The following FOXP1 variants were observed in gnomAD, a reference collection of about 807,000 sequenced individuals.
The protein encoded by FOXP1 is forkhead box P1, also known as forkhead box protein P1.
A neutral mutation model predicts 98.2 loss-of-function variants in FOXP1; 15 were observed. That is an observed-to-expected ratio of 0.15 (90% CI 0.10 to 0.24). The LOEUF (loss-of-function observed/expected upper bound fraction) is 0.24. Ranked by LOEUF, FOXP1 falls within the 10% of genes least tolerant of loss-of-function variation. The pLI is 1.00. For synonymous variants in FOXP1, 371 were observed against 314.5 expected (o/e 1.18, Z -1.90); for missense variants, 633 against 848.5 (o/e 0.75, Z 3.15).
chr3:71,312,051 A>G (rs1251128509), intron 4 of FOXP1, among the ~76,000 whole-genome samples: 1 of 152,204 alleles, frequency 6.6e-6, no homozygotes, highest in Non-Finnish European at 1.5e-5. Flanking sequence ...CCTTCACTAG[A>G]AAGAAGCCCA....
chr3:71,198,071 GAC>G, intron 6 of FOXP1, 129 bp downstream of exon 6: 1 of 1,614,092 alleles, frequency 6.2e-7, no homozygotes, highest in Non-Finnish European at 8.5e-7. Flanking sequence ...AGATGCCACT[GAC>G]AGACAGAAAG....
intron 14 of FOXP1, among the ~76,000 whole-genome samples, chr3:70,985,145 C>T (rs1230030035): frequency 6.6e-6 from 1 of 152,196 alleles, no homozygotes. Flanking sequence ...AACTTACTGG[C>T]AAGGTTGTAA....
At chr3:71,283,276 C>T (rs2071756175) in intron 5 of FOXP1, among the ~76,000 whole-genome samples, 2 of 152,198 alleles carry the variant, frequency 1.3e-5, no homozygotes, top group Admixed American at 1.3e-4. Flanking sequence ...CCAGTGCCCC[C>T]AGTGTACTCC....
In FOXP1 at chr3:71,182,107, A is replaced by AT. The variant is rs1416671017; in HGVS notation, c.180+16094dup. 2.0e-5 allele frequency among the ~76,000 whole-genome samples: 3 copies of AT among 152,182 alleles called. No individual in the cohort carries two copies. In the East Asian group the frequency reaches 5.8e-4, roughly 29 times the overall value. On this transcript the variant is annotated intron_variant, in intron 6 of 20. Transcript: ENST00000649528. ...TTTTTTAAAAATCCATACTCTTTTT[A>AT]TTGACAGGAAAGTGATTTTTGTCAC... is the stretch of plus-strand genomic sequence containing the variant.
chr3:71,107,874 T>C (rs991669858), intron 7 of FOXP1, among the ~76,000 whole-genome samples: 2 of 152,148 alleles, frequency 1.3e-5, no homozygotes, highest in Non-Finnish European at 2.9e-5. Flanking sequence ...ATAAAAATGC[T>C]AAAAAAACAC....
intron 7 of FOXP1, among the ~76,000 whole-genome samples, chr3:71,102,324 C>T (rs556697596): frequency 9.2e-5 from 14 of 152,260 alleles, no homozygotes; most frequent in South Asian, 8.3e-4. Context: ...ACAAGGAAAA[C>T]AAACTTAATA....
intron 14 of FOXP1, among the ~76,000 whole-genome samples, chr3:70,981,084 A>C (rs924367995): frequency 1.3e-5 from 2 of 151,590 alleles, no homozygotes; most frequent in East Asian, 3.9e-4. Flanking sequence ...TTGGGTGTTC[A>C]CAGCTACGAA....
chr3:71,386,612 G>A (rs1315713790), intron 3 of FOXP1, among the ~76,000 whole-genome samples: 6 of 151,884 alleles, frequency 4.0e-5, no homozygotes, highest in South Asian at 2.1e-4. Flanking sequence ...GCGTGGTAGC[G>A]CATGCCTGTA....
At chr3:71,538,820 G>C (rs1417396488) in intron 2 of FOXP1, among the ~76,000 whole-genome samples, 7 of 152,118 alleles carry the variant, frequency 4.6e-5, no homozygotes, top group African/African-American at 1.4e-4. Flanking sequence ...CTATATTTAG[G>C]TCTTAATACT....
intron 5 of FOXP1, among the ~76,000 whole-genome samples, chr3:71,268,186 G>A (rs1272520060): frequency 6.7e-6 from 1 of 149,816 alleles, no homozygotes; most frequent in Non-Finnish European, 1.5e-5. Flanking sequence ...CGCCTCCCGG[G>A]TTCACGCCAT....
At chr3:71,278,215 G>A (rs1222662023) in intron 5 of FOXP1, among the ~76,000 whole-genome samples, 2 of 152,112 alleles carry the variant, frequency 1.3e-5, no homozygotes, top group South Asian at 2.1e-4. Context: ...CACAGCAAAC[G>A]TTCAATAATT....
chr3:71,419,447 A>G (rs2083465289), intron 3 of FOXP1, among the ~76,000 whole-genome samples: 1 of 152,154 alleles, frequency 6.6e-6, no homozygotes, highest in African/African-American at 2.4e-5. Context: ...CAAAGAAAAA[A>G]AAAAAGTAGA....
rs888746870 is a variant in FOXP1 at position 70,959,500 on chromosome 3, C to T, written c.1890-109G>A. On this transcript the variant is annotated intron_variant, in intron 20 of 20. Coordinates refer to ENST00000649528, the MANE Select transcript of FOXP1 (RefSeq NM_001349338.3). ...AAAGCCGCACTCTAGAACTAGAACT[C>T]TGTCCAGTATTGTTACCATTAGCCA... 3.3e-6 allele frequency: 4 copies of T among 1,207,348 alleles called. No individual in the cohort carries two copies. The African/African-American group carries it at 6.0e-5, about 18-fold the overall frequency. 74.8% of individuals were successfully genotyped at this position (1,207,348 alleles called of 1,614,324 possible).
chr3:71,221,084 T>C (rs4677599), intron 5 of FOXP1, among the ~76,000 whole-genome samples: 1 of 152,114 alleles, frequency 6.6e-6, no homozygotes, highest in Admixed American at 6.5e-5. Context: ...TGGGGCCTGT[T>C]AGGAACCGGT....
intron 2 of FOXP1, among the ~76,000 whole-genome samples, chr3:71,506,923 A>G (rs1337278869): frequency 5.9e-5 from 9 of 152,180 alleles, no homozygotes; most frequent in Non-Finnish European, 8.8e-5. Context: ...CCCTACCTCC[A>G]AGCATTGCTG....
At chr3:71,520,136 T>C (rs1164475192) in intron 2 of FOXP1, among the ~76,000 whole-genome samples, 4 of 152,224 alleles carry the variant, frequency 2.6e-5, no homozygotes, top group South Asian at 2.1e-4. Flanking sequence ...CCCAATTATC[T>C]TGGGACATTT....
chr3:70,977,942 C>T lies in FOXP1; in HGVS notation c.1234G>A (p.Ala412Thr), dbSNP rs200629338. 36 of 1,613,900 alleles carry T rather than the reference C, an allele frequency of 2.2e-5. No homozygotes were observed. The highest frequency in any genetic ancestry group is 8.0e-5 in the African/African-American group (6 of 74,950). Residue 412 changes from alanine to threonine, a missense_variant, in exon 15 of 21, where the codon GCC becomes ACC. Ala to Thr is a moderately conservative substitution (Grantham distance 58). Transcript: ENST00000649528. ...CCTTGGGTGACGGGAGTCAGGGGGG[C>T]GGTTGGGGTCGTTGGAGTATGAGGT... ...SLPHTPTTPTAPLTPVTQGPS... is the reference protein window; with the variant it reads ...SLPHTPTTPTTPLTPVTQGPS...
intron 2 of FOXP1, among the ~76,000 whole-genome samples, chr3:71,558,556 G>A (rs980566405): frequency 2.6e-5 from 4 of 151,450 alleles, no homozygotes; most frequent in Non-Finnish European, 4.4e-5. Flanking sequence ...GTGCAGTAGG[G>A]TGATCTCAGC....
intron 3 of FOXP1, among the ~76,000 whole-genome samples, chr3:71,411,198 C>T (rs1159442593): frequency 6.6e-6 from 1 of 152,044 alleles, no homozygotes; most frequent in African/African-American, 2.4e-5. Flanking sequence ...GCTCCATTCG[C>T]TTCTTTCTTA....
Sources: gnomAD v4.1 joint callset for allele counts (sites outside exome capture counted in the v4.1 genomes callset) on GRCh38, gnomAD v4.1.1 for gene constraint, MANE v1.5 for transcripts, NCBI Gene and HGNC (gene_info 2026-07-23, HGNC 2026-07-21) for gene names.